Variants in NBEA observed in about 807,000 individuals in gnomAD.
NBEA encodes the protein lysosomal-trafficking regulator 2.
In NBEA, 44 loss-of-function variants were observed where a neutral mutation model predicts 343.4. That is an observed-to-expected ratio of 0.13 (90% CI 0.10 to 0.16). The LOEUF (loss-of-function observed/expected upper bound fraction) is 0.16. Ranked by LOEUF, NBEA falls within the 10% of genes least tolerant of loss-of-function variation. The pLI is 1.00. For missense variants in NBEA, 2,555 were observed against 3,631.3 expected (o/e 0.70, Z 7.62); for synonymous variants, 1,175 against 1,238.7 (o/e 0.95, Z 1.08).
chr13:34,960,404 G>T (rs184749362), intron 1 of NBEA, among the ~76,000 whole-genome samples: 13 of 152,070 alleles, frequency 8.5e-5, no homozygotes, highest in Admixed American at 5.3e-4. Context: ...TAATATTAAA[G>T]AAATAAACTT....
chr13:35,336,771 A>G (rs887559353), intron 36 of NBEA, among the ~76,000 whole-genome samples: 2 of 152,154 alleles, frequency 1.3e-5, no homozygotes, highest in Non-Finnish European at 2.9e-5. Context: ...ACAGGAACAG[A>G]AAACCAAATA....
rs1593516938 is a variant in NBEA at position 35,665,228 on chromosome 13, C to T, written c.8464+42C>T. On this transcript the variant is annotated intron_variant, in intron 56 of 58. Coordinates refer to ENST00000379939, the MANE Select transcript of NBEA (RefSeq NM_001385012.1). Reference sequence around the variant, plus strand: ...TTCATTTTCAATGTCTAGAAGATGACTGTTTTCTCACACTAAGCGTGATTG... The same window carrying T: ...TTCATTTTCAATGTCTAGAAGATGATTGTTTTCTCACACTAAGCGTGATTG... 6 of 1,456,194 alleles carry T rather than the reference C, an allele frequency of 4.1e-6. No homozygotes were observed. The East Asian group carries it at 1.5e-4, about 35-fold the overall frequency. 90.2% of individuals were successfully genotyped at this position (1,456,194 alleles called of 1,614,324 possible).
intron 35 of NBEA, among the ~76,000 whole-genome samples, chr13:35,298,269 T>C (rs1230634550): frequency 2.0e-5 from 3 of 146,462 alleles, no homozygotes; most frequent in Non-Finnish European, 4.5e-5. Flanking sequence ...CTTTTTTTAA[T>C]TTTAATGTAG....
chr13:35,275,491 A>G (rs2034515414), intron 34 of NBEA, among the ~76,000 whole-genome samples: 1 of 152,240 alleles, frequency 6.6e-6, no homozygotes, highest in African/African-American at 2.4e-5. Context: ...AACAAAAGCC[A>G]AAATAGACAA....
At chr13:35,049,438 A>G (rs2062985930) in intron 5 of NBEA, among the ~76,000 whole-genome samples, 1 of 151,870 alleles carries the variant, frequency 6.6e-6, no homozygotes, top group East Asian at 1.9e-4. Flanking sequence ...AATAGTGTCT[A>G]TCCCATAGGA....
intron 17 of NBEA, among the ~76,000 whole-genome samples, chr13:35,135,205 G>C (rs2067649523): frequency 6.6e-6 from 1 of 151,936 alleles, no homozygotes; most frequent in Non-Finnish European, 1.5e-5. Context: ...TGTAAACATT[G>C]GTGCATATAG....
At chr13:35,306,670 G>T (rs533792578) in intron 35 of NBEA, among the ~76,000 whole-genome samples, 1 of 151,934 alleles carries the variant, frequency 6.6e-6, no homozygotes, top group East Asian at 1.9e-4. Context: ...TAGTGACTTT[G>T]AAAGTAATAT....
At chr13:35,302,808 C>T (rs1268636865) in intron 35 of NBEA, among the ~76,000 whole-genome samples, 1 of 152,038 alleles carries the variant, frequency 6.6e-6, no homozygotes. Context: ...TTTCTTCTGG[C>T]CCTAGTGTCA....
intron 10 of NBEA, among the ~76,000 whole-genome samples, chr13:35,082,724 A>G (rs1172487865): frequency 2.6e-5 from 4 of 152,042 alleles, no homozygotes; most frequent in Non-Finnish European, 5.9e-5. Context: ...TTCTTTTCAG[A>G]AGTGTCTGTT....
At chr13:34,966,967 T>C (rs1026425369) in intron 1 of NBEA, among the ~76,000 whole-genome samples, 1 of 151,572 alleles carries the variant, frequency 6.6e-6, no homozygotes, top group African/African-American at 2.4e-5. Flanking sequence ...TCTTTTTTTT[T>C]TTTTTTTCTC....
At chr13:35,144,833 G>A (rs1421756274) in intron 18 of NBEA, among the ~76,000 whole-genome samples, 1 of 152,132 alleles carries the variant, frequency 6.6e-6, no homozygotes, top group Admixed American at 6.5e-5. Context: ...CCATCATTTT[G>A]ACATGGAACT....
chr13:35,065,858 C>A (rs1411342553), intron 8 of NBEA, among the ~76,000 whole-genome samples: 12 of 152,104 alleles, frequency 7.9e-5, no homozygotes, highest in Non-Finnish European at 2.9e-5. Context: ...TTTCTAACAT[C>A]CCAGTTTGGA....
chr13:35,116,093 G>A (rs2066479670), intron 13 of NBEA, among the ~76,000 whole-genome samples: 2 of 152,168 alleles, frequency 1.3e-5, no homozygotes, highest in African/African-American at 4.8e-5. Context: ...GGCAGGATGG[G>A]ACCACAATCA....
At chr13:35,526,499 T>C (rs1158254871) in intron 41 of NBEA, among the ~76,000 whole-genome samples, 4 of 152,040 alleles carry the variant, frequency 2.6e-5, no homozygotes, top group South Asian at 2.1e-4. Flanking sequence ...TATAAAAATT[T>C]TGGTGATGCA....
intron 38 of NBEA, among the ~76,000 whole-genome samples, chr13:35,364,966 T>C (rs1204977931): frequency 1.3e-5 from 2 of 151,786 alleles, no homozygotes; most frequent in Non-Finnish European, 3.0e-5. Flanking sequence ...TTGACCCTGA[T>C]AGAACTCTAA....
chr13:34,944,850 G>C lies in NBEA; in HGVS notation c.294+1736G>C, dbSNP rs542278288. ...TACTTAATACATTTTAACCTGGTAA[G>C]AGGCAGTAGAGCTTTCACAACCTGG... On this transcript the variant is annotated intron_variant, in intron 1 of 58. Transcript: ENST00000379939. Among the ~76,000 whole-genome samples the C allele has an allele frequency of 2.0e-5, 3 of 152,226 alleles. No individual in the cohort carries two copies. In the South Asian group the frequency reaches 6.2e-4, roughly 32 times the overall value.
In NBEA at chr13:35,113,593, CTATCT is replaced by C. The variant is rs1566305661; in HGVS notation, c.2002+2616_2002+2620del. The stretch of plus-strand genomic sequence containing the variant: ...TTGTTTTACTCCTCCACTCATCTAT[CTATCT>C]ATCTATCTATCTATCTATCTATCTA... On this transcript the variant is annotated intron_variant, in intron 13 of 58. Transcript: ENST00000379939. Among the ~76,000 whole-genome samples, 1,432 of 150,306 alleles carry C rather than the reference CTATCT, an allele frequency of 9.5e-3. 7 individuals are homozygous for C. Among genetic ancestry groups the C allele is most frequent in the Middle Eastern group, 0.014 (4 of 284 alleles).
intron 1 of NBEA, among the ~76,000 whole-genome samples, chr13:35,018,554 A>T (rs1405979988): frequency 6.6e-6 from 1 of 152,146 alleles, no homozygotes; most frequent in Non-Finnish European, 1.5e-5. Flanking sequence ...CTTTGCCAGT[A>T]TAAATAAATG....
chr13:35,101,431 G>C (rs1404426694), intron 11 of NBEA, among the ~76,000 whole-genome samples: 6 of 151,814 alleles, frequency 4.0e-5, no homozygotes, highest in Admixed American at 2.6e-4. Flanking sequence ...GGGATGACTA[G>C]TGATGCTGAA....
Sources: gnomAD v4.1 joint callset for allele counts (sites outside exome capture counted in the v4.1 genomes callset) on GRCh38, gnomAD v4.1.1 for gene constraint, MANE v1.5 for transcripts, NCBI Gene and HGNC (gene_info 2026-07-23, HGNC 2026-07-21) for gene names.